DAB1: variants seen among roughly 807,000 people sequenced by gnomAD.
DAB1 encodes disabled homolog 1.
Under a neutral mutation model 64.6 loss-of-function variants are expected in DAB1, and 15 were observed. That is an observed-to-expected ratio of 0.23 (90% CI 0.16 to 0.36). DAB1 has a LOEUF of 0.36. DAB1 is among the 10% of genes least tolerant of loss of function. The pLI is 1.00. For missense variants in DAB1, 596 were observed against 706.7 expected, an observed-to-expected ratio of 0.84 and a Z score of 1.78; for synonymous variants, 235 against 251.9, an observed-to-expected ratio of 0.93 and a Z score of 0.64.
intron 4 of DAB1, among the ~76,000 whole-genome samples, chr1:58,234,235 A>T (rs1030398801): frequency 1.3e-5 from 2 of 152,124 alleles, no homozygotes; most frequent in Admixed American, 6.5e-5. Context: ...TCATTCTTTC[A>T]TTCATTTAGC....
rs199984237 is a variant in DAB1 at position 57,057,608 on chromosome 1, C to CTT, written c.723+5274_723+5275dup. Among the ~76,000 whole-genome samples, 248 of 136,532 alleles carry CTT rather than the reference C, an allele frequency of 1.8e-3. 6 individuals carry two copies. Among genetic ancestry groups the CTT allele is most frequent in the South Asian group, 0.016 (69 of 4,242 alleles). The allele number at this position is 136,532 out of a possible 152,430, so 89.6% of individuals were successfully genotyped here. A position where few individuals can be genotyped will look rare whatever the true frequency, so the allele number is the denominator to read the frequency against. ...TTGGGGTAGAAGGACTACACTGATTCTTTTTTTTTTTTTTTTGGAGACAGA... is the reference window on the plus strand; with the variant it reads ...TTGGGGTAGAAGGACTACACTGATTCTTTTTTTTTTTTTTTTTTGGAGACAGA... On this transcript the variant is annotated intron_variant, in intron 9 of 14. Coordinates refer to ENST00000371236, the MANE Select transcript of DAB1 (RefSeq NM_001365792.1).
intron 4 of DAB1, among the ~76,000 whole-genome samples, chr1:58,299,189 A>G (rs1297389379): frequency 6.6e-6 from 1 of 152,160 alleles, no homozygotes; most frequent in Non-Finnish European, 1.5e-5. Flanking sequence ...ACCTTATTTT[A>G]CAGACGCTCA....
intron 3 of DAB1, among the ~76,000 whole-genome samples, chr1:58,438,281 C>A (rs1429982174): frequency 1.3e-5 from 2 of 152,058 alleles, no homozygotes; most frequent in Non-Finnish European, 2.9e-5. Flanking sequence ...GCTATGAAGT[C>A]GCAGGCAGGA....
intron 4 of DAB1, among the ~76,000 whole-genome samples, chr1:58,298,369 G>T (rs531452172): frequency 1.3e-5 from 2 of 152,192 alleles, no homozygotes; most frequent in South Asian, 4.1e-4. Flanking sequence ...GCCCACCTTT[G>T]CTCATTTATC....
At chr1:57,391,766 A>AACACAC (rs57332880) in intron 1 of DAB1, among the ~76,000 whole-genome samples, 1,074 of 94,606 alleles carry the variant, frequency 0.011, 18 homozygotes, top group South Asian at 0.085. Flanking sequence ...CAGAGGAATA[A>AACACAC]ACACACACAC....
intron 5 of DAB1, among the ~76,000 whole-genome samples, chr1:57,920,495 T>C (rs994964776): frequency 6.6e-6 from 1 of 152,060 alleles, no homozygotes. Context: ...TTAATTTTCT[T>C]TTTTTTGAAA....
intron 12 of DAB1, among the ~76,000 whole-genome samples, chr1:57,013,978 C>T (rs776733796): frequency 6.6e-6 from 1 of 152,204 alleles, no homozygotes; most frequent in African/African-American, 2.4e-5. Context: ...AAGTCATACG[C>T]TTGCCCAAAG....
chr1:57,852,231 T>A (rs12031324), intron 1 of DAB1, among the ~76,000 whole-genome samples: 23,084 of 152,210 alleles, frequency 0.15, 1,892 homozygotes, highest in East Asian at 0.27. Context: ...GGGAAAGGAA[T>A]GCCACACAGA....
intron 5 of DAB1, among the ~76,000 whole-genome samples, chr1:58,066,465 A>C (rs1648860033): frequency 6.6e-6 from 1 of 152,212 alleles, no homozygotes; most frequent in Non-Finnish European, 1.5e-5. Flanking sequence ...GGCTGTTAAC[A>C]ATAATAATAA....
At chr1:57,888,551 A>G (rs1569925784), upstream of DAB1, among the ~76,000 whole-genome samples, 2 of 152,204 alleles carry the variant, frequency 1.3e-5, 1 homozygote, top group Admixed American at 1.3e-4. Context: ...GCCAATTGAA[A>G]AAAGAAACAA....
At chr1:57,737,112 G>A (rs986040967) in intron 6 of DAB1, among the ~76,000 whole-genome samples, 8 of 152,324 alleles carry the variant, frequency 5.3e-5, no homozygotes, top group African/African-American at 7.2e-5. Flanking sequence ...TGTGGCTTCC[G>A]GTGGAGGCAT....
chr1:57,762,740 C>A (rs17472345), intron 6 of DAB1, among the ~76,000 whole-genome samples: 28,351 of 152,134 alleles, frequency 0.19, 3,165 homozygotes, highest in Admixed American at 0.29. Context: ...CAAATTTCTA[C>A]TCAGCCTACA....
intron 7 of DAB1, among the ~76,000 whole-genome samples, chr1:57,439,418 G>GTTTTTTTTTTTTTTTTTTTTTTGT: frequency 1.5e-4 from 17 of 116,154 alleles, no homozygotes; most frequent in East Asian, 9.1e-4. Context: ...TGGTGATGAG[G>GTTTTTTTTTTTTTTTTTTTTTTGT]TTTTTTCTTT....
intron 5 of DAB1, among the ~76,000 whole-genome samples, chr1:58,140,737 C>T (rs1011170953): frequency 6.6e-5 from 10 of 151,996 alleles, no homozygotes; most frequent in African/African-American, 1.2e-4. Flanking sequence ...ACACAGTCCT[C>T]GGGATGTATT....
At chr1:58,063,779 G>C (rs779817779) in intron 5 of DAB1, among the ~76,000 whole-genome samples, 5 of 152,192 alleles carry the variant, frequency 3.3e-5, no homozygotes, top group Non-Finnish European at 7.3e-5. Context: ...TTCACAATGG[G>C]AAAGCCGCAG....
At chr1:57,844,114 T>A (rs1439537559) in intron 1 of DAB1, among the ~76,000 whole-genome samples, 1 of 152,242 alleles carries the variant, frequency 6.6e-6, no homozygotes, top group Non-Finnish European at 1.5e-5. Context: ...GTAAAACTCC[T>A]CATCCCTTAA....
At position 57,410,003 on chromosome 1, in the gene DAB1, T is replaced by A. The variant is rs538228767; in HGVS notation, c.-137+13927A>T. On this transcript the variant is annotated intron_variant, in intron 1 of 14. Transcript: ENST00000371236. Reference sequence around the variant, plus strand: ...GAGGAAGCAAACACATTCTATTAACTGTGTAAAATCGCACTACAAACCTTT... The same window carrying A: ...GAGGAAGCAAACACATTCTATTAACAGTGTAAAATCGCACTACAAACCTTT... 1.3e-3 allele frequency among the ~76,000 whole-genome samples: 201 copies of A among 152,298 alleles called. 2 individuals are homozygous for A. Among genetic ancestry groups the A allele is most frequent in the African/African-American group, 4.5e-3 (186 of 41,570 alleles).
chr1:57,622,684 AG>A (rs1457034664), intron 7 of DAB1, among the ~76,000 whole-genome samples: 8 of 152,204 alleles, frequency 5.3e-5, no homozygotes, highest in Non-Finnish European at 4.4e-5. Flanking sequence ...AGCTAGGGCT[AG>A]CTTAATTCCA....
intron 6 of DAB1, among the ~76,000 whole-genome samples, chr1:57,800,048 C>T (rs1448999407): frequency 1.3e-5 from 2 of 152,146 alleles, no homozygotes; most frequent in Admixed American, 6.5e-5. Flanking sequence ...ATCAATTGTG[C>T]ATTTACGATC....
Sources: gnomAD v4.1 joint callset for allele counts (sites outside exome capture counted in the v4.1 genomes callset) on GRCh38, gnomAD v4.1.1 for gene constraint, MANE v1.5 for transcripts, NCBI Gene and HGNC (gene_info 2026-07-23, HGNC 2026-07-21) for gene names.